Variants in PEPD observed in about 807,000 individuals in gnomAD.
PEPD encodes the protein xaa-Pro dipeptidase.
A neutral mutation model predicts 60.7 loss-of-function variants in PEPD; 53 were observed. The ratio of observed to expected loss-of-function variants is 0.87; its 90% CI spans 0.70 to 1.10. The LOEUF is 1.10. Among genes scored for constraint, PEPD ranks in the 50% least tolerant of loss-of-function variants. The pLI is 0.00. For synonymous variants in PEPD, 267 were observed against 284.1 expected (o/e 0.94, Z 0.60); for missense variants, 711 against 711.9 (o/e 1.00, Z 0.01).
At chr19:33,415,888 C>T (rs1301867768) in intron 9 of PEPD, among the ~76,000 whole-genome samples, 1 of 152,200 alleles carries the variant, frequency 6.6e-6, no homozygotes, top group African/African-American at 2.4e-5. Context: ...GACTTCAGTC[C>T]TGAATTTTGT....
intron 9 of PEPD, among the ~76,000 whole-genome samples, chr19:33,458,647 T>G (rs1358395262): frequency 7.0e-6 from 1 of 142,746 alleles, no homozygotes; most frequent in African/African-American, 2.6e-5. Flanking sequence ...GTGTGTTGTG[T>G]GTGGTATGTG....
At chr19:33,476,841 T>C (rs1251771530) in intron 7 of PEPD, among the ~76,000 whole-genome samples, 1 of 152,052 alleles carries the variant, frequency 6.6e-6, no homozygotes, top group Admixed American at 6.6e-5. Flanking sequence ...TTTTTGGTAT[T>C]TTTAGTAGAG....
intron 9 of PEPD, among the ~76,000 whole-genome samples, chr19:33,421,300 T>C (rs1287468582): frequency 6.6e-6 from 1 of 152,176 alleles, no homozygotes; most frequent in Non-Finnish European, 1.5e-5. Context: ...CACATCTTTG[T>C]GGTCACTGTC....
At chr19:33,456,437 G>A (rs1439249593) in intron 9 of PEPD, among the ~76,000 whole-genome samples, 2 of 152,210 alleles carry the variant, frequency 1.3e-5, no homozygotes, top group Admixed American at 6.5e-5. Flanking sequence ...GCTTGGACAC[G>A]CAGATGGTGT....
At chr19:33,424,126 C>T (rs903680469) in intron 9 of PEPD, among the ~76,000 whole-genome samples, 4 of 152,220 alleles carry the variant, frequency 2.6e-5, no homozygotes, top group Non-Finnish European at 4.4e-5. Flanking sequence ...TCCCACTGCC[C>T]TCACTGGGGC....
intron 13 of PEPD, chr19:33,388,302 T>C (rs754736305): frequency 1.5e-6 from 1 of 680,596 alleles, no homozygotes; most frequent in South Asian, 1.5e-5. Flanking sequence ...CTGGCCACAC[T>C]ACCCTAGGGC....
At chr19:33,416,153 G>A (rs564721276) in intron 9 of PEPD, among the ~76,000 whole-genome samples, 5 of 152,286 alleles carry the variant, frequency 3.3e-5, no homozygotes, top group African/African-American at 1.2e-4. Flanking sequence ...TGCTTGATGC[G>A]GACGCAACGT....
At chr19:33,448,797 T>G (rs1029259552) in intron 9 of PEPD, among the ~76,000 whole-genome samples, 5 of 152,176 alleles carry the variant, frequency 3.3e-5, no homozygotes, top group Non-Finnish European at 5.9e-5. Context: ...GGTTACCAGC[T>G]ACTCTGATTT....
Position 33,512,583 on chromosome 19 carries a change from G to A in PEPD, c.201+10C>T, listed in dbSNP as rs572287447. 6.2e-7 allele frequency: 1 copy of A among 1,612,772 alleles called. No homozygotes were observed. The highest frequency in any genetic ancestry group is 2.2e-5 in the East Asian group (1 of 44,856). On this transcript the variant is annotated intron_variant, in intron 2 of 14. Coordinates refer to ENST00000244137, the MANE Select transcript of PEPD (RefSeq NM_000285.4). ...CACCTGCTCACTTGTGGCCAAGCGGGGAGGCTCACCTGGCGGAAGAGGACC... is the reference window on the plus strand; with the variant it reads ...CACCTGCTCACTTGTGGCCAAGCGGAGAGGCTCACCTGGCGGAAGAGGACC...
chr19:33,392,915 TA>T (rs5827848), intron 12 of PEPD, among the ~76,000 whole-genome samples: 44,436 of 152,002 alleles, frequency 0.29, 7,142 homozygotes, highest in African/African-American at 0.43. Flanking sequence ...GGGACCCCTT[TA>T]AGTGCCAGAG....
At chr19:33,396,920 C>T (rs766301885) in intron 12 of PEPD, among the ~76,000 whole-genome samples, 1 of 152,170 alleles carries the variant, frequency 6.6e-6, no homozygotes, top group African/African-American at 2.4e-5. Flanking sequence ...CAGACCCTGA[C>T]TCAGGGCCAC....
intron 7 of PEPD, among the ~76,000 whole-genome samples, chr19:33,476,384 C>T (rs912629847): frequency 1.3e-5 from 2 of 152,180 alleles, no homozygotes; most frequent in Non-Finnish European, 1.5e-5. Context: ...AGATCTGCCC[C>T]GGTATCTGGC....
intron 6 of PEPD, among the ~76,000 whole-genome samples, chr19:33,487,743 C>T (rs1218422845): frequency 6.6e-6 from 1 of 152,106 alleles, no homozygotes; most frequent in Non-Finnish European, 1.5e-5. Flanking sequence ...CCCTGGCTCT[C>T]CAAAAAGTGT....
intron 1 of PEPD, among the ~76,000 whole-genome samples, chr19:33,517,017 C>T (rs1270116827): frequency 2.0e-5 from 3 of 152,070 alleles, no homozygotes; most frequent in East Asian, 1.9e-4. Context: ...CCCATCTCTA[C>T]CGAAAACACA....
chr19:33,488,318 C>T (rs367812453), intron 6 of PEPD, among the ~76,000 whole-genome samples: 97 of 152,194 alleles, frequency 6.4e-4, no homozygotes, highest in African/African-American at 2.3e-3. Flanking sequence ...CCTCCAGTGC[C>T]CACCACAAGC....
chr19:33,485,133 G>C (rs1211333171), intron 6 of PEPD, among the ~76,000 whole-genome samples: 2 of 152,058 alleles, frequency 1.3e-5, no homozygotes, highest in African/African-American at 4.8e-5. Flanking sequence ...CCTGCCAAAG[G>C]GTTGGGTCAG....
At chr19:33,463,197 G>A (rs1330880206) in intron 8 of PEPD, among the ~76,000 whole-genome samples, 156 bp from the exon 9 acceptor site, 4 of 152,180 alleles carry the variant, frequency 2.6e-5, no homozygotes, top group African/African-American at 7.2e-5. Context: ...TGACAAATTA[G>A]AACTTTTTAA....
chr19:33,448,758 G>A (rs886943681), intron 9 of PEPD, among the ~76,000 whole-genome samples: 3 of 152,224 alleles, frequency 2.0e-5, no homozygotes, highest in South Asian at 2.1e-4. Context: ...CAAGCACCAC[G>A]CTGCTGCTCT....
chr19:33,477,540 T>TG (rs1212567862), intron 7 of PEPD, among the ~76,000 whole-genome samples: 1 of 152,158 alleles, frequency 6.6e-6, no homozygotes, highest in Non-Finnish European at 1.5e-5. Flanking sequence ...CCCACAGAGG[T>TG]GGCGCCCAGC....
Sources: allele counts gnomAD v4.1 joint callset (sites outside exome capture counted in the v4.1 genomes callset), GRCh38; gene constraint gnomAD v4.1.1; transcripts MANE v1.5; gene names NCBI Gene and HGNC (gene_info 2026-07-23, HGNC 2026-07-21).